MEAK7: variants seen among roughly 807,000 people sequenced by gnomAD.
The protein encoded by MEAK7 is MTOR associated protein MEAK7, also known as MTOR-associated protein MEAK7.
A neutral mutation model predicts 40.5 loss-of-function variants in MEAK7; 68 were observed. The observed-to-expected ratio is 1.68, with a 90% CI of 1.38 to 2.06. MEAK7 has a LOEUF of 2.06. Among genes scored for constraint, MEAK7 ranks in the 30% most tolerant of loss-of-function variants. MEAK7 has a pLI of 0.00. For missense variants in MEAK7, 918 were observed against 580.5 expected (o/e 1.58, Z -5.98); for synonymous variants, 338 against 231.9 (o/e 1.46, Z -4.16).
Position 84,495,965 on chromosome 16 carries a change from G to T in MEAK7, c.154-52C>A, listed in dbSNP as rs183530212. 6 of 1,587,882 alleles carry T rather than the reference G, an allele frequency of 3.8e-6. No homozygotes were observed. In the East Asian group the frequency reaches 1.1e-4, roughly 30 times the overall value. On this transcript the variant is annotated intron_variant, in intron 2 of 7. Coordinates refer to ENST00000343629, the MANE Select transcript of MEAK7 (RefSeq NM_020947.4). ...GTTAGACAGTGCACAAGTTGAACTT[G>T]GTTACTAGGAGTTATTATTTTAGGC...
At position 84,482,645 on chromosome 16, in the gene MEAK7, T is replaced by G; in HGVS notation, c.1024A>C (p.Asn342His). 6.2e-7 allele frequency: 1 copy of G among 1,614,216 alleles called. No homozygotes were observed. Among genetic ancestry groups the G allele is most frequent in the South Asian group, 1.1e-5 (1 of 91,080 alleles). ...SMAVYTHTGY[N>H]DHYMYLNHGQ... ...TGGTTCAAGTACATGTAGTGGTCGT[T>G]GTAGCCCGTGTGTGTGTACACAGCC... Residue 342 changes from asparagine to histidine, a missense_variant, in exon 6 of 8, where the codon AAC becomes CAC. Physicochemically the swap from Asn to His is moderately conservative, Grantham distance 68. Transcript: ENST00000343629.
chr16:84,501,468 G>A (rs1487105098), intron 1 of MEAK7, among the ~76,000 whole-genome samples: 1 of 152,172 alleles, frequency 6.6e-6, no homozygotes, highest in Non-Finnish European at 1.5e-5. Flanking sequence ...CAGCAGCAGG[G>A]TGCAGCCTGG....
chr16:84,500,416 G>A (rs942863702), intron 1 of MEAK7, among the ~76,000 whole-genome samples: 19 of 152,164 alleles, frequency 1.2e-4, no homozygotes, highest in African/African-American at 4.6e-4. Flanking sequence ...TAAAGCATGA[G>A]CTTCCATCTA....
chr16:84,478,823 G>C lies in MEAK7; in HGVS notation c.*1090C>G, dbSNP rs1369846627. On this transcript the variant is annotated 3_prime_UTR_variant, in exon 8 of 8. Coordinates refer to ENST00000343629, the MANE Select transcript of MEAK7 (RefSeq NM_020947.4). ...TCAGGCACTGGTTCCCAGAGATCTA[G>C]AACCCAGGCCAGCACCGAGGCCTAG... 6.6e-6 allele frequency: 1 copy of C among 152,382 alleles called. No individual in the cohort carries two copies. Among genetic ancestry groups the C allele is most frequent in the Admixed American group, 6.5e-5 (1 of 15,306 alleles). 9.4% of individuals were successfully genotyped at this position (152,382 alleles called of 1,614,324 possible).
intron 1 of MEAK7, 62 bp downstream of exon 1, chr16:84,504,539 C>G: frequency 1.0e-6 from 1 of 961,546 alleles, no homozygotes. Flanking sequence ...CTCCAGTCCC[C>G]CGACTCAGCT....
In MEAK7 at chr16:84,489,408, C is replaced by T. The variant is rs1312272756; in HGVS notation, c.399G>A (p.Leu133=). 3.7e-6 allele frequency: 6 copies of T among 1,612,090 alleles called. No individual in the cohort carries two copies. The highest frequency in any genetic ancestry group is 5.1e-6 in the Non-Finnish European group (6 of 1,179,052). Residue 133 remains leucine, a synonymous_variant, in exon 4 of 8, where the codon CTG becomes CTA. Coordinates refer to ENST00000343629, the MANE Select transcript of MEAK7 (RefSeq NM_020947.4). The stretch of plus-strand genomic sequence containing the variant: ...TTAGCACGTGCACCACAGAGCCAAC[C>T]AGATCCTCTGTAAACTGTAAGATCA... ...AREVQKFTED[L]VGSVVHVLSH...
chr16:84,480,401 A>T, intron 7 of MEAK7, 128 bp downstream of exon 7: 1 of 1,138,254 alleles, frequency 8.8e-7, no homozygotes, highest in Non-Finnish European at 1.2e-6. Flanking sequence ...AGCCAGCATC[A>T]GCTACCAGGA....
intron 5 of MEAK7, 142 bp from the exon 6 acceptor site, chr16:84,482,852 T>A: frequency 1.5e-6 from 2 of 1,326,094 alleles, no homozygotes; most frequent in South Asian, 2.9e-5. Context: ...CAGATCAGGG[T>A]TTGGGACAAG....
At chr16:84,493,583 A>T (rs1913806201) in intron 3 of MEAK7, among the ~76,000 whole-genome samples, 1 of 151,866 alleles carries the variant, frequency 6.6e-6, no homozygotes, top group African/African-American at 2.4e-5. Flanking sequence ...ACAGCTTTTA[A>T]CAATTAAAAT....
chr16:84,497,316 T>G (rs1183053287), intron 2 of MEAK7: 2 of 929,990 alleles, frequency 2.2e-6, no homozygotes, highest in East Asian at 1.3e-4. Context: ...GGGAAAAACA[T>G]GGGCAAATGG....
intron 1 of MEAK7, among the ~76,000 whole-genome samples, chr16:84,500,898 G>A (rs1914442488): frequency 6.6e-6 from 1 of 151,958 alleles, no homozygotes; most frequent in Non-Finnish European, 1.5e-5. Context: ...TTCGAAACTA[G>A]GTTGGCCAAC....
Position 84,486,669 on chromosome 16 carries a change from A to G in MEAK7, c.920T>C (p.Phe307Ser). 1 of 1,613,224 alleles carries G rather than the reference A, an allele frequency of 6.2e-7. No individual in the cohort carries two copies. ...CTTCACCTCCCAAGAGCAAGAGGCAAACCCACCGAACACATGCTTGTCATG... is the reference window on the plus strand; with the variant it reads ...CTTCACCTCCCAAGAGCAAGAGGCAGACCCACCGAACACATGCTTGTCATG... ...EDHDKHVFGGFASCSWEVKPQ... is the reference protein window; with the variant it reads ...EDHDKHVFGGSASCSWEVKPQ... Residue 307 changes from phenylalanine to serine, a missense_variant, in exon 5 of 8, where the codon TTT (phenylalanine) becomes TCT (serine). Physicochemically the swap from Phe to Ser is radical, Grantham distance 155. Transcript: ENST00000343629.
At chr16:84,497,737 G>C (rs1212226354) in intron 2 of MEAK7, 197 bp downstream of exon 2, 6 of 1,338,492 alleles carry the variant, frequency 4.5e-6, no homozygotes, top group East Asian at 5.0e-5. Flanking sequence ...AGTAACGGCA[G>C]AGCAGAGGAG....
chr16:84,483,743 G>A (rs1416185921), intron 5 of MEAK7, among the ~76,000 whole-genome samples: 1 of 152,198 alleles, frequency 6.6e-6, no homozygotes, highest in Non-Finnish European at 1.5e-5. Context: ...CTTCTGGGAG[G>A]CAGCTTCCGA....
intron 5 of MEAK7, among the ~76,000 whole-genome samples, chr16:84,483,150 G>C (rs140367841): frequency 2.0e-5 from 3 of 152,192 alleles, no homozygotes; most frequent in Admixed American, 6.5e-5. Context: ...CTGAAAGAAC[G>C]TACCATGCAG....
chr16:84,497,166 A>C (rs1914119372), intron 2 of MEAK7: 1 of 305,486 alleles, frequency 3.3e-6, no homozygotes, highest in South Asian at 2.9e-5. Context: ...ATCTGCTCCC[A>C]TGCTGCACAT....
chr16:84,494,402 A>G (rs937829803), intron 3 of MEAK7, among the ~76,000 whole-genome samples: 2 of 152,234 alleles, frequency 1.3e-5, no homozygotes, highest in Non-Finnish European at 2.9e-5. Flanking sequence ...AGTCTTTAAA[A>G]TAACATTTCA....
chr16:84,499,940 G>C (rs1914362405), intron 1 of MEAK7: 1 of 152,422 alleles, frequency 6.6e-6, no homozygotes, highest in East Asian at 1.9e-4. Context: ...CAAAGGCTGA[G>C]GCGGGAGGAT....
intron 1 of MEAK7, among the ~76,000 whole-genome samples, chr16:84,503,347 C>G (rs778493850): frequency 7.9e-5 from 12 of 152,184 alleles, no homozygotes; most frequent in Non-Finnish European, 1.8e-4. Flanking sequence ...CCTTCAGTAA[C>G]AAACTGCTAG....
Sources: allele counts gnomAD v4.1 joint callset (sites outside exome capture counted in the v4.1 genomes callset), GRCh38; gene constraint gnomAD v4.1.1; transcripts MANE v1.5; gene names NCBI Gene and HGNC (gene_info 2026-07-23, HGNC 2026-07-21).